The following BRD10 variants were observed in gnomAD, a reference collection of about 807,000 sequenced individuals.
BRD10 encodes the protein bromodomain containing 10.
the BRD10 span, among the ~76,000 whole-genome samples, chr9:5,972,823 G>T: frequency 4.6e-5 from 7 of 152,212 alleles, no homozygotes; most frequent in East Asian, 9.7e-4. Context: ...AATGGACTAA[G>T]ACACTCTTCA....
chr9:5,921,543 C>T, the BRD10 span: 1 of 1,613,846 alleles, frequency 6.2e-7, no homozygotes, highest in East Asian at 2.2e-5. Flanking sequence ...GTTCCATTGC[C>T]AGAAGAAAGA....
the BRD10 span, among the ~76,000 whole-genome samples, chr9:5,952,344 C>T: frequency 1.2e-4 from 19 of 152,192 alleles, no homozygotes; most frequent in African/African-American, 3.9e-4. Flanking sequence ...ACAGCTCAAT[C>T]TGGCAAAATA....
chr9:5,909,880 A>G, the BRD10 span: 2 of 152,196 alleles, frequency 1.3e-5, no homozygotes, highest in African/African-American at 4.8e-5. Context: ...GGCTACATCA[A>G]CGTATCACCT....
chr9:5,949,674 C>G, the BRD10 span, among the ~76,000 whole-genome samples: 334 of 152,220 alleles, frequency 2.2e-3, 1 homozygote, highest in African/African-American at 7.7e-3. Flanking sequence ...TGTTGAAAAG[C>G]AGACTTAGGG....
At chr9:5,954,308 T>C in the BRD10 span, among the ~76,000 whole-genome samples, 37 of 152,362 alleles carry the variant, frequency 2.4e-4, no homozygotes, top group Middle Eastern at 3.4e-3. Flanking sequence ...TGCTGTTTTA[T>C]GTTTATATGA....
chr9:5,892,525 C>T, the BRD10 span: 98,700 of 1,612,726 alleles, frequency 0.061, 6,692 homozygotes, highest in African/African-American at 0.32. Context: ...AGAAGGGGCA[C>T]GGCCACTCTT....
the BRD10 span, chr9:5,929,299 AT>A: frequency 4.0e-6 from 2 of 500,590 alleles, no homozygotes; most frequent in Non-Finnish European, 7.0e-6. Flanking sequence ...AAGGGGGAAA[AT>A]ATCCTGTAAT....
At chr9:5,990,111 T>C in the BRD10 span, among the ~76,000 whole-genome samples, 10 of 152,214 alleles carry the variant, frequency 6.6e-5, no homozygotes, top group Non-Finnish European at 1.3e-4. Context: ...TGGGCTAATC[T>C]AGCATACCAT....
At chr9:5,888,639 G>A in the BRD10 span, among the ~76,000 whole-genome samples, 1 of 152,208 alleles carries the variant, frequency 6.6e-6, no homozygotes, top group Admixed American at 6.5e-5. Flanking sequence ...AAGGAGATGA[G>A]AGCCTGGAAG....
the BRD10 span, among the ~76,000 whole-genome samples, chr9:5,967,853 T>C: frequency 2.0e-5 from 3 of 152,214 alleles, no homozygotes; most frequent in African/African-American, 7.2e-5. Flanking sequence ...TGTCATCTGC[T>C]CTGGCTTTTT....
the BRD10 span, among the ~76,000 whole-genome samples, chr9:5,910,960 G>A: frequency 6.6e-6 from 1 of 152,108 alleles, no homozygotes; most frequent in Non-Finnish European, 1.5e-5. Context: ...TTGTCAGATG[G>A]GTAGTTTGCT....
chr9:5,973,045 C>A, the BRD10 span, among the ~76,000 whole-genome samples: 14 of 152,072 alleles, frequency 9.2e-5, no homozygotes, highest in Admixed American at 4.6e-4. Context: ...AACAGTGATC[C>A]CTAACTAAAG....
At chr9:5,910,342 A>C in the BRD10 span, 2 of 152,352 alleles carry the variant, frequency 1.3e-5, no homozygotes, top group Admixed American at 6.5e-5. Flanking sequence ...CAGGATAAAG[A>C]GATGTATTAC....
the BRD10 span, among the ~76,000 whole-genome samples, chr9:5,930,892 C>T: frequency 6.6e-6 from 1 of 152,114 alleles, no homozygotes; most frequent in African/African-American, 2.4e-5. Context: ...CAGGAAGTAA[C>T]TTTCATCTAG....
At chr9:5,988,451 G>C in the BRD10 span, 1 of 1,613,720 alleles carries the variant, frequency 6.2e-7, no homozygotes, top group Non-Finnish European at 8.5e-7. Flanking sequence ...GGTGTTGACC[G>C]ACGCCTTGTT....
At chr9:5,920,141 C>T in the BRD10 span, 6 of 1,613,852 alleles carry the variant, frequency 3.7e-6, no homozygotes, top group Non-Finnish European at 5.1e-6. Flanking sequence ...AGGTTGGCCA[C>T]TTAAGGAATT....
chr9:5,916,187 T>C, the BRD10 span, among the ~76,000 whole-genome samples: 1 of 152,228 alleles, frequency 6.6e-6, no homozygotes, highest in Non-Finnish European at 1.5e-5. Context: ...ACTTCTGGAA[T>C]GACTTCAGGT....
At chr9:5,959,598 T>C in the BRD10 span, among the ~76,000 whole-genome samples, 3 of 152,188 alleles carry the variant, frequency 2.0e-5, no homozygotes, top group Non-Finnish European at 2.9e-5. Context: ...ACTCTCTTTA[T>C]ATTTTGAAAT....
the BRD10 span, among the ~76,000 whole-genome samples, chr9:5,992,258 G>A: frequency 1.3e-5 from 2 of 152,198 alleles, no homozygotes; most frequent in Non-Finnish European, 1.5e-5. Context: ...CCCTCAAACT[G>A]TGCCCTATAT....
Sources: allele counts gnomAD v4.1 joint callset (sites outside exome capture counted in the v4.1 genomes callset), GRCh38; gene constraint gnomAD v4.1.1; transcripts MANE v1.5; gene names NCBI Gene and HGNC (gene_info 2026-07-23, HGNC 2026-07-21).